HSPA12A: variants seen among roughly 807,000 people sequenced by gnomAD.
HSPA12A encodes the protein heat shock protein family A (Hsp70) member 12A.
In HSPA12A, 28 loss-of-function variants were observed where a neutral mutation model predicts 69.2. That is an observed-to-expected ratio of 0.40 (90% confidence interval 0.30 to 0.55). HSPA12A has a LOEUF of 0.55. Among genes scored for constraint, HSPA12A ranks in the 20% least tolerant of loss-of-function variants. The pLI is 0.38. For synonymous variants in HSPA12A, 345 were observed against 370.5 expected, an observed-to-expected ratio of 0.93 and a Z score of 0.79; for missense variants, 686 against 900.7, an observed-to-expected ratio of 0.76 and a Z score of 3.05.
At chr10:116,795,635 G>A (rs1447955266) in intron 2 of HSPA12A, among the ~76,000 whole-genome samples, 3 of 142,474 alleles carry the variant, frequency 2.1e-5, no homozygotes, top group Admixed American at 1.4e-4. Context: ...GCAATGAGCC[G>A]AGATCGTGCC....
chr10:116,681,928 C>T, intron 7 of HSPA12A, 51 bp from the exon 8 acceptor site: 1 of 1,560,196 alleles, frequency 6.4e-7, no homozygotes, highest in Non-Finnish European at 8.8e-7. Context: ...CATGAAAAAG[C>T]AGAGATCATT....
intron 1 of HSPA12A, among the ~76,000 whole-genome samples, chr10:116,727,799 C>G (rs1329864493): frequency 7.1e-6 from 1 of 141,786 alleles, no homozygotes; most frequent in Non-Finnish European, 1.5e-5. Flanking sequence ...ACTATGTCAC[C>G]CAGGCTGGGG....
chr10:116,795,549 G>T (rs1390406825), intron 2 of HSPA12A, among the ~76,000 whole-genome samples: 1 of 150,820 alleles, frequency 6.6e-6, no homozygotes, highest in South Asian at 2.1e-4. Context: ...AGCCAGGCGT[G>T]GTGGAACGTG....
chr10:116,820,653 C>T (rs1637561), intron 2 of HSPA12A, among the ~76,000 whole-genome samples: 152,016 of 152,152 alleles, frequency 1, 75,941 homozygotes, highest in Non-Finnish European at 1. Context: ...GTGACAATGC[C>T]CCAGGCTTTA....
At chr10:116,755,366 C>CT (rs1554888657) in intron 2 of HSPA12A, among the ~76,000 whole-genome samples, 1 of 151,960 alleles carries the variant, frequency 6.6e-6, no homozygotes, top group African/African-American at 2.4e-5. Flanking sequence ...AATCCCAGCA[C>CT]TTTGGGAGGC....
At chr10:116,694,347 G>A (rs1273972937) in intron 5 of HSPA12A, among the ~76,000 whole-genome samples, 6 of 152,118 alleles carry the variant, frequency 3.9e-5, no homozygotes, top group African/African-American at 1.4e-4. Flanking sequence ...GCCAGCCCCT[G>A]GCAAGGTCTA....
intron 1 of HSPA12A, among the ~76,000 whole-genome samples, chr10:116,841,761 T>C (rs1302242749): frequency 1.3e-5 from 2 of 152,134 alleles, no homozygotes; most frequent in African/African-American, 2.4e-5. Context: ...AAAACAGTTC[T>C]CATTCTTCAT....
chr10:116,792,613 C>CAAAAAAAAAAAAAAAAAAAAA (rs56344323), intron 2 of HSPA12A, among the ~76,000 whole-genome samples: 7 of 107,984 alleles, frequency 6.5e-5, no homozygotes, highest in African/African-American at 2.6e-4. Context: ...CTTGCATCTA[C>CAAAAAAAAAAAAAAAAAAAAA]AAAAAAAAAA....
At chr10:116,751,784 G>C (rs1851781802) in intron 2 of HSPA12A, among the ~76,000 whole-genome samples, 1 of 150,090 alleles carries the variant, frequency 6.7e-6, no homozygotes, top group Non-Finnish European at 1.5e-5. Flanking sequence ...CCTCATAAAT[G>C]GCTTGGCTTA....
chr10:116,838,746 T>TA (rs113845600), intron 1 of HSPA12A, among the ~76,000 whole-genome samples: 33 of 152,318 alleles, frequency 2.2e-4, no homozygotes, highest in African/African-American at 7.2e-4. Flanking sequence ...GGGCTTGCTT[T>TA]AAAAAAATAA....
chr10:116,806,491 G>A (rs1368509632), intron 2 of HSPA12A, among the ~76,000 whole-genome samples: 2 of 152,198 alleles, frequency 1.3e-5, no homozygotes, highest in African/African-American at 4.8e-5. Context: ...ACAGGCATGA[G>A]CCACCTCACC....
At position 116,692,483 on chromosome 10, in the gene HSPA12A, A is replaced by G. The variant is rs1849765123; in HGVS notation, c.547-16T>C. ...CACTCAGCTCCTGAAGCCAAGGGAAAGAAATGCAACAGGTCAAGTGGCAGC... is the reference window on the plus strand; with the variant it reads ...CACTCAGCTCCTGAAGCCAAGGGAAGGAAATGCAACAGGTCAAGTGGCAGC... On this transcript the variant is annotated splice_polypyrimidine_tract_variant and intron_variant, in intron 5 of 11. Transcript: ENST00000369209. 1.9e-6 allele frequency: 3 copies of G among 1,599,350 alleles called. No homozygotes were observed. The East Asian group carries it at 6.7e-5, about 36-fold the overall frequency.
At position 116,823,797 on chromosome 10, in the gene HSPA12A, T is replaced by C. The variant is rs957919496; in HGVS notation, c.91+11138A>G. Among the ~76,000 whole-genome samples the C allele has an allele frequency of 9.2e-5, 14 of 152,250 alleles. 1 individual carries two copies. In the South Asian group the frequency reaches 1.0e-3, roughly 11 times the overall value. ...AAGAGGTAAAACCATAAAACTCTTATGAGAGGAAAGAAGAAAATACAGATA... is the reference window on the plus strand; with the variant it reads ...AAGAGGTAAAACCATAAAACTCTTACGAGAGGAAAGAAGAAAATACAGATA... On this transcript the variant is annotated intron_variant, in intron 2 of 12. Transcript: ENST00000635765.
chr10:116,762,893 A>G (rs1415892867), intron 2 of HSPA12A, among the ~76,000 whole-genome samples: 1 of 152,110 alleles, frequency 6.6e-6, no homozygotes, highest in African/African-American at 2.4e-5. Flanking sequence ...TACTCTTTCA[A>G]AATTCAGTAG....
intron 4 of HSPA12A, among the ~76,000 whole-genome samples, 172 bp downstream of exon 4, chr10:116,700,771 C>G (rs1303749400): frequency 3.9e-5 from 6 of 152,194 alleles, no homozygotes; most frequent in African/African-American, 1.4e-4. Context: ...TCCACAAAAG[C>G]ACTGTGTGCT....
intron 2 of HSPA12A, among the ~76,000 whole-genome samples, chr10:116,775,071 T>C (rs1844305078): frequency 6.6e-6 from 1 of 152,206 alleles, no homozygotes; most frequent in African/African-American, 2.4e-5. Flanking sequence ...CACTCTTTAT[T>C]AGTGTCCTCC....
chr10:116,726,755 A>G (rs983401190), intron 1 of HSPA12A, among the ~76,000 whole-genome samples: 1 of 152,170 alleles, frequency 6.6e-6, no homozygotes, highest in Admixed American at 6.5e-5. Context: ...TGTCGGGCTC[A>G]CTGTCACTTT....
At chr10:116,741,415 A>T (rs2921978) in intron 1 of HSPA12A, among the ~76,000 whole-genome samples, 151,357 of 152,382 alleles carry the variant, frequency 0.99, 75,187 homozygotes, top group East Asian at 1. Context: ...GCATTTTAAT[A>T]TCATCCTCGC....
chr10:116,745,189 G>A (rs1554887720), upstream of HSPA12A, among the ~76,000 whole-genome samples: 28 of 152,354 alleles, frequency 1.8e-4, no homozygotes, highest in Non-Finnish European at 1.2e-4. Flanking sequence ...TGCCAGTTCT[G>A]CATCTCTGTG....
Sources: allele counts gnomAD v4.1 joint callset (sites outside exome capture counted in the v4.1 genomes callset), GRCh38; gene constraint gnomAD v4.1.1; transcripts MANE v1.5; gene names NCBI Gene and HGNC (gene_info 2026-07-23, HGNC 2026-07-21).